The following FBXO9 variants were observed in gnomAD, a reference collection of about 807,000 sequenced individuals.
FBXO9 encodes the protein F-box only protein 9.
Under a neutral mutation model 63.7 loss-of-function variants are expected in FBXO9, and 43 were observed. That is an observed-to-expected ratio of 0.67 (90% CI 0.53 to 0.87). The LOEUF (loss-of-function observed/expected upper bound fraction) is 0.87. FBXO9 is among the 40% of genes least tolerant of loss of function. FBXO9 has a pLI of 0.00. For missense variants in FBXO9, 442 were observed against 533.2 expected (o/e 0.83, Z 1.68); for synonymous variants, 156 against 171.7 (o/e 0.91, Z 0.72).
intron 11 of FBXO9, chr6:53,094,793 C>T (rs866741033): frequency 9.2e-6 from 4 of 436,112 alleles, no homozygotes; most frequent in African/African-American, 8.2e-5. Flanking sequence ...GCAGCAGCAG[C>T]CTGAGAGACA....
At chr6:53,079,004 C>T (rs1348047716) in intron 5 of FBXO9, 106 bp downstream of exon 5, 1 of 644,522 alleles carries the variant, frequency 1.6e-6, no homozygotes, top group Non-Finnish European at 2.6e-6. Context: ...GCTCTATACT[C>T]TTTAGTATAT....
At chr6:53,077,756 G>A (rs1417117387) in intron 4 of FBXO9, among the ~76,000 whole-genome samples, 3 of 152,098 alleles carry the variant, frequency 2.0e-5, no homozygotes, top group Non-Finnish European at 2.9e-5. Flanking sequence ...TAGATTTTTA[G>A]AAAGGCCCAG....
chr6:53,089,002 A>G (rs1187815220), intron 7 of FBXO9, among the ~76,000 whole-genome samples: 6 of 150,874 alleles, frequency 4.0e-5, no homozygotes, highest in Non-Finnish European at 5.9e-5. Context: ...GCTCACTGCA[A>G]GCTCCGCCTC....
chr6:53,084,832 T>A (rs1375836888), intron 7 of FBXO9, among the ~76,000 whole-genome samples: 1 of 152,112 alleles, frequency 6.6e-6, no homozygotes, highest in Non-Finnish European at 1.5e-5. Context: ...AATTTCAGAT[T>A]TAAAAATCTC....
rs1460247498 is a variant in FBXO9 at position 53,090,366 on chromosome 6, AT to A, written c.654-2061del. On this transcript the variant is annotated intron_variant, in intron 7 of 12. Coordinates refer to ENST00000323557, the MANE Select transcript of FBXO9 (RefSeq NM_033480.3). ...TTCATAGTTATTCCATTAACTTGTA[AT>A]TGTATGTGAGAAAATACTATAAAGA... 7.2e-5 allele frequency among the ~76,000 whole-genome samples: 11 copies of A among 152,278 alleles called. No homozygotes were observed. In the East Asian group the frequency reaches 1.4e-3, roughly 19 times the overall value.
chr6:53,065,795 A>G lies in FBXO9; in HGVS notation c.3+3A>G. 1 of 1,384,262 alleles carries G rather than the reference A, an allele frequency of 7.2e-7. No individual in the cohort carries two copies. Among genetic ancestry groups the G allele is most frequent in the Non-Finnish European group, 9.4e-7 (1 of 1,067,910 alleles). The allele number at this position is 1,384,262 out of a possible 1,614,324, so 85.7% of individuals were successfully genotyped here. A position where few individuals can be genotyped will look rare whatever the true frequency, so the allele number is the denominator to read the frequency against. Reference sequence around the variant, plus strand: ...CAGCAGGCCGCCCCGCCAGCATGGTAACCTGGCCAGGGGGCTCGAGGGTGG... The same window carrying G: ...CAGCAGGCCGCCCCGCCAGCATGGTGACCTGGCCAGGGGGCTCGAGGGTGG... On this transcript the variant is annotated splice_donor_region_variant and intron_variant, in intron 1 of 12. Coordinates refer to ENST00000323557, the MANE Select transcript of FBXO9 (RefSeq NM_033480.3).
At chr6:53,090,139 A>G (rs953085918) in intron 7 of FBXO9, among the ~76,000 whole-genome samples, 1 of 152,188 alleles carries the variant, frequency 6.6e-6, no homozygotes, top group African/African-American at 2.4e-5. Context: ...TGCCAGTTCA[A>G]GTTTGCACAG....
intron 6 of FBXO9, among the ~76,000 whole-genome samples, chr6:53,081,838 T>C (rs1769324810): frequency 1.3e-5 from 2 of 152,070 alleles, no homozygotes; most frequent in Non-Finnish European, 2.9e-5. Flanking sequence ...GGAGGCTGAG[T>C]TGGGAGGATC....
chr6:53,078,053 G>GT (rs1769180119), intron 4 of FBXO9, among the ~76,000 whole-genome samples: 1 of 152,144 alleles, frequency 6.6e-6, no homozygotes, highest in African/African-American at 2.4e-5. Flanking sequence ...GCTAAAAGAA[G>GT]TTAAATTTAA....
chr6:53,092,494 C>A lies in FBXO9; in HGVS notation c.719C>A (p.Pro240Gln). The A allele has an allele frequency of 6.2e-7, 1 of 1,613,932 alleles. No individual in the cohort carries two copies. Among genetic ancestry groups the A allele is most frequent in the Non-Finnish European group, 8.5e-7 (1 of 1,179,874 alleles). The change falls in exon 8 of 13, where the codon CCG becomes CAG. Residue 240 changes from proline to glutamine, a missense_variant. This residue lies in a region of FBXO9 where 262 missense variants were observed against 362.1 expected (regional missense o/e 0.72). Coordinates refer to ENST00000323557, the MANE Select transcript of FBXO9 (RefSeq NM_033480.3). ...GGCAGAAGCTGTATTAAACTTGTTCCGTACACGTCCTGGAGAGAGATGTTT... is the reference window on the plus strand; with the variant it reads ...GGCAGAAGCTGTATTAAACTTGTTCAGTACACGTCCTGGAGAGAGATGTTT... ...VWGRSCIKLVPYTSWREMFLE... is the reference protein window; with the variant it reads ...VWGRSCIKLVQYTSWREMFLE...
At chr6:53,065,390 C>A (rs118150873), upstream of FBXO9, 667 of 181,926 alleles carry the variant, frequency 3.7e-3, 24 homozygotes, top group East Asian at 0.07. Flanking sequence ...ACACGGGCAG[C>A]ACCGGCACTG....
chr6:53,071,152 C>T lies in FBXO9; in HGVS notation c.90+9C>T. ...CTGAAACAGATCTGCAGGCATGTTT[C>T]TTCAATTGTGTCTTTGATTTTTATT... is the stretch of plus-strand genomic sequence containing the variant. On this transcript the variant is annotated intron_variant, in intron 2 of 12. Transcript: ENST00000323557. 1.3e-6 allele frequency: 2 copies of T among 1,550,356 alleles called. No individual in the cohort carries two copies. The highest frequency in any genetic ancestry group is 1.7e-6 in the Non-Finnish European group (2 of 1,144,994).
chr6:53,095,699 T>A, intron 12 of FBXO9, 35 bp downstream of exon 12: 1 of 1,538,882 alleles, frequency 6.5e-7, no homozygotes, highest in East Asian at 2.3e-5. Flanking sequence ...AAGGTTACAC[T>A]ATAAATGTAT....
intron 1 of FBXO9, among the ~76,000 whole-genome samples, chr6:53,069,961 T>G (rs868760179): frequency 5.3e-5 from 8 of 151,836 alleles, no homozygotes; most frequent in East Asian, 1.9e-4. Flanking sequence ...ACCAAAGATG[T>G]TCTAATTTTA....
chr6:53,094,038 G>T, intron 11 of FBXO9, 60 bp downstream of exon 11: 1 of 1,028,346 alleles, frequency 9.7e-7, no homozygotes, highest in Non-Finnish European at 1.4e-6. Context: ...CATCCAAGCA[G>T]TCTCGATTAG....
intron 7 of FBXO9, among the ~76,000 whole-genome samples, chr6:53,084,254 T>C (rs1317663865): frequency 6.6e-6 from 1 of 152,258 alleles, no homozygotes; most frequent in East Asian, 1.9e-4. Context: ...CATGTAATCA[T>C]GCTACCTGTT....
At chr6:53,095,351 T>G (rs1763178027) in intron 11 of FBXO9, among the ~76,000 whole-genome samples, 162 bp from the exon 12 acceptor site, 1 of 152,194 alleles carries the variant, frequency 6.6e-6, no homozygotes, top group Non-Finnish European at 1.5e-5. Context: ...TTTAGAGTAT[T>G]TAACAGTTTT....
chr6:53,085,938 C>T (rs567419838), intron 7 of FBXO9, among the ~76,000 whole-genome samples: 2 of 151,916 alleles, frequency 1.3e-5, no homozygotes, highest in African/African-American at 2.4e-5. Flanking sequence ...TTACCTGAGG[C>T]CAGGAGTTCG....
At chr6:53,080,795 C>G (rs1018592618) in intron 5 of FBXO9, among the ~76,000 whole-genome samples, 173 bp from the exon 6 acceptor site, 1 of 152,124 alleles carries the variant, frequency 6.6e-6, no homozygotes, top group Non-Finnish European at 1.5e-5. Flanking sequence ...AAACTTGATA[C>G]AGTATTCCTT....
Sources: gnomAD v4.1 joint callset for allele counts (sites outside exome capture counted in the v4.1 genomes callset) on GRCh38, gnomAD v4.1.1 for gene constraint, gnomAD v4.1.1 regional missense constraint, MANE v1.5 for transcripts, NCBI Gene and HGNC (gene_info 2026-07-23, HGNC 2026-07-21) for gene names.